Variants in EYS observed in about 807,000 individuals in gnomAD.
EYS encodes EGF-like photoreceptor maintenance factor.
In EYS, 250 loss-of-function variants were observed where a neutral mutation model predicts 282.1. The ratio of observed to expected loss-of-function variants is 0.89; its 90% CI spans 0.80 to 0.98. EYS has a LOEUF of 0.98. Ranked by LOEUF, EYS falls within the 50% of genes least tolerant of loss-of-function variation. EYS has a pLI of 0.00. For synonymous variants in EYS, 1,355 were observed against 1,282.9 expected, an observed-to-expected ratio of 1.06 and a Z score of -1.20; for missense variants, 4,016 against 3,709.0, an observed-to-expected ratio of 1.08 and a Z score of -2.15.
intron 5 of EYS, among the ~76,000 whole-genome samples, chr6:65,459,971 TATA>T (rs1562197911): frequency 0.026 from 448 of 17,242 alleles, 2 homozygotes; most frequent in East Asian, 0.08. Context: ...GTGTATTTTA[TATA>T]TATATATATA....
intron 29 of EYS, among the ~76,000 whole-genome samples, chr6:64,327,196 T>C (rs1366545650): frequency 6.6e-6 from 1 of 151,958 alleles, no homozygotes; most frequent in Admixed American, 6.6e-5. Flanking sequence ...ATACAGCCCA[T>C]AGGACCAGCT....
rs1248720057 is a variant in EYS, at chr6:64,692,508, A to T, written c.3444-66263T>A. On this transcript the variant is annotated intron_variant, in intron 22 of 42. Coordinates refer to ENST00000503581, the MANE Select transcript of EYS (RefSeq NM_001142800.2). ...TCTAGATATTTTTGTTTTCATTGCA[A>T]TTGCTTTTGGAGACTTAGCCAAAAA... 2.0e-5 allele frequency among the ~76,000 whole-genome samples: 3 copies of T among 152,086 alleles called. No individual in the cohort carries two copies. The South Asian group carries it at 6.2e-4, about 31-fold the overall frequency.
intron 1 of EYS, among the ~76,000 whole-genome samples, chr6:65,658,378 G>A (rs1215211357): frequency 6.6e-6 from 1 of 151,684 alleles, no homozygotes; most frequent in African/African-American, 2.4e-5. Flanking sequence ...CAGTTCATTA[G>A]TTGCAACAGA....
At chr6:65,178,043 T>C (rs1441364031) in intron 12 of EYS, among the ~76,000 whole-genome samples, 1 of 151,662 alleles carries the variant, frequency 6.6e-6, no homozygotes, top group African/African-American at 2.4e-5. Flanking sequence ...AACAGACAAA[T>C]GGGTAGGTGG....
chr6:64,758,867 A>G (rs556431309), intron 22 of EYS, among the ~76,000 whole-genome samples: 6 of 152,326 alleles, frequency 3.9e-5, no homozygotes, highest in African/African-American at 9.6e-5. Context: ...GGCCGGGCGC[A>G]GTGGCTCACG....
intron 19 of EYS, among the ~76,000 whole-genome samples, chr6:64,847,859 T>C (rs974582456): frequency 6.6e-6 from 1 of 152,050 alleles, no homozygotes. Context: ...ATTTGTAGAG[T>C]GGAACCCTAA....
intron 5 of EYS, among the ~76,000 whole-genome samples, chr6:65,486,164 A>G (rs192481034): frequency 5.1e-4 from 78 of 152,362 alleles, no homozygotes; most frequent in African/African-American, 1.9e-3. Context: ...CAAATCAGTC[A>G]TGATATTCAC....
chr6:64,045,428 T>TTTTA (rs1161174315), intron 33 of EYS, among the ~76,000 whole-genome samples: 1 of 134,554 alleles, frequency 7.4e-6, no homozygotes, highest in Non-Finnish European at 1.6e-5. Flanking sequence ...TTTTATTTTA[T>TTTTA]TTTATTTTAT....
chr6:64,921,736 G>A (rs984772382), intron 15 of EYS, among the ~76,000 whole-genome samples: 7 of 152,140 alleles, frequency 4.6e-5, no homozygotes, highest in African/African-American at 1.7e-4. Context: ...CTAACTCAAT[G>A]TGACAAAGAA....
chr6:64,318,127 T>C (rs1038331602), intron 29 of EYS, among the ~76,000 whole-genome samples: 2 of 152,048 alleles, frequency 1.3e-5, no homozygotes, highest in African/African-American at 2.4e-5. Context: ...TGTATACCTA[T>C]GTAACAAATC....
intron 33 of EYS, among the ~76,000 whole-genome samples, chr6:64,027,505 AG>A (rs1769584712): frequency 6.6e-6 from 1 of 152,174 alleles, no homozygotes; most frequent in South Asian, 2.1e-4. Flanking sequence ...GTTCTATAAT[AG>A]GGACCAAGAG....
intron 12 of EYS, among the ~76,000 whole-genome samples, chr6:65,180,174 C>A (rs1765338837): frequency 6.6e-6 from 1 of 152,074 alleles, no homozygotes; most frequent in African/African-American, 2.4e-5. Context: ...CTCACCACTC[C>A]TATTCAACAT....
chr6:65,474,941 T>C (rs1437438826), intron 5 of EYS, among the ~76,000 whole-genome samples: 2 of 151,952 alleles, frequency 1.3e-5, no homozygotes, highest in Non-Finnish European at 2.9e-5. Flanking sequence ...ACAGAGAGAC[T>C]TGCATTTTGG....
rs1192298189 is a variant in EYS, at chr6:63,851,558, G to C, written c.7228+12628C>G. On this transcript the variant is annotated intron_variant, in intron 36 of 42. Transcript: ENST00000503581. ...CAATTACATGGAAAATGAACAACCT[G>C]CTCCTGAATGACTACTGGGTAAATA... Among the ~76,000 whole-genome samples, 5 of 152,242 alleles carry C rather than the reference G, an allele frequency of 3.3e-5. No homozygotes were observed. In the East Asian group the frequency reaches 9.6e-4, roughly 29 times the overall value.
intron 13 of EYS, among the ~76,000 whole-genome samples, chr6:65,013,618 G>A (rs907364072): frequency 1.3e-5 from 2 of 152,162 alleles, no homozygotes; most frequent in South Asian, 2.1e-4. Flanking sequence ...GCTCACAACT[G>A]TATTCCCAGG....
At chr6:65,096,724 T>C (rs1474142395) in intron 12 of EYS, among the ~76,000 whole-genome samples, 1 of 151,034 alleles carries the variant, frequency 6.6e-6, no homozygotes, top group Non-Finnish European at 1.5e-5. Context: ...CTTTAACAAC[T>C]ATGCCAAGAA....
intron 2 of EYS, among the ~76,000 whole-genome samples, chr6:65,560,294 C>T (rs1199480381): frequency 7.1e-6 from 1 of 140,844 alleles, no homozygotes; most frequent in Non-Finnish European, 1.5e-5. Flanking sequence ...ATTAATATAA[C>T]ATATAATAAT....
At chr6:64,723,835 A>G (rs1423325089) in intron 22 of EYS, among the ~76,000 whole-genome samples, 10 of 152,160 alleles carry the variant, frequency 6.6e-5, no homozygotes, top group African/African-American at 4.8e-5. Context: ...TGTTAACTCT[A>G]TGTTCCTAGT....
At chr6:65,451,597 T>C (rs979483066) in intron 5 of EYS, among the ~76,000 whole-genome samples, 1 of 152,044 alleles carries the variant, frequency 6.6e-6, no homozygotes, top group South Asian at 2.1e-4. Context: ...TATTGTCACA[T>C]TTTAAACTCA....
Sources: gnomAD v4.1 joint callset for allele counts (sites outside exome capture counted in the v4.1 genomes callset) on GRCh38, gnomAD v4.1.1 for gene constraint, MANE v1.5 for transcripts, NCBI Gene and HGNC (gene_info 2026-07-23, HGNC 2026-07-21) for gene names.